The following GREB1L variants were observed in gnomAD, a reference collection of about 807,000 sequenced individuals.
GREB1L encodes GREB1-like protein.
GREB1L carries 17 observed loss-of-function variants against 200.8 expected under a neutral mutation model. The ratio of observed to expected loss-of-function variants is 0.08; its 90% CI spans 0.06 to 0.13. The LOEUF is 0.13. Among genes scored for constraint, GREB1L ranks in the 10% least tolerant of loss-of-function variants. The pLI is 1.00. For missense variants in GREB1L, 1,657 were observed against 2,367.7 expected (o/e 0.70, Z 6.23); for synonymous variants, 789 against 893.0 (o/e 0.88, Z 2.08).
At chr18:21,463,342 TC>T (rs2035136020) in intron 15 of GREB1L, among the ~76,000 whole-genome samples, 1 of 151,700 alleles carries the variant, frequency 6.6e-6, no homozygotes, top group African/African-American at 2.4e-5. Flanking sequence ...AGATGGGGTT[TC>T]ACCATGAGAG....
intron 1 of GREB1L, among the ~76,000 whole-genome samples, chr18:21,364,366 G>A (rs2039628062): frequency 6.6e-6 from 1 of 152,036 alleles, no homozygotes; most frequent in African/African-American, 2.4e-5. Flanking sequence ...TTTTGTTGGT[G>A]AAGGTCAAAA....
chr18:21,451,525 T>A (rs551630919), intron 13 of GREB1L, among the ~76,000 whole-genome samples: 6 of 130,154 alleles, frequency 4.6e-5, no homozygotes, highest in Admixed American at 8.8e-5. Context: ...TTGCACTCTA[T>A]CGCCCAGGCT....
At chr18:21,264,431 C>T (rs2037935657) in intron 1 of GREB1L, among the ~76,000 whole-genome samples, 1 of 152,118 alleles carries the variant, frequency 6.6e-6, no homozygotes, top group Non-Finnish European at 1.5e-5. Flanking sequence ...TGCTTATTTG[C>T]TTTAAATGCA....
At chr18:21,307,564 A>G (rs1239158358) in intron 1 of GREB1L, among the ~76,000 whole-genome samples, 1 of 152,156 alleles carries the variant, frequency 6.6e-6, no homozygotes. Context: ...GAAAATTTCT[A>G]AACATCACTG....
intron 1 of GREB1L, among the ~76,000 whole-genome samples, chr18:21,340,006 GT>G (rs1362537911): frequency 6.6e-6 from 1 of 152,124 alleles, no homozygotes; most frequent in African/African-American, 2.4e-5. Context: ...TGCTTCATTT[GT>G]TTGCTTCTAA....
chr18:21,511,140 C>T (rs560279937), intron 27 of GREB1L, among the ~76,000 whole-genome samples: 8 of 152,146 alleles, frequency 5.3e-5, no homozygotes, highest in Non-Finnish European at 7.4e-5. Flanking sequence ...TCTGGGAGGC[C>T]GAGGCGGGCA....
At chr18:21,457,162 CAGGTTT>C (rs1328368763) in intron 15 of GREB1L, among the ~76,000 whole-genome samples, 15 of 152,154 alleles carry the variant, frequency 9.9e-5, no homozygotes, top group Admixed American at 6.5e-4. Context: ...ATAAATTGTG[CAGGTTT>C]TTTCCTTTCT....
At chr18:21,340,406 C>T (rs779775991) in intron 1 of GREB1L, among the ~76,000 whole-genome samples, 8 of 151,044 alleles carry the variant, frequency 5.3e-5, no homozygotes, top group South Asian at 2.1e-4. Flanking sequence ...GGCAACAGAG[C>T]GAGACTCCGT....
chr18:21,513,786 T>C lies in GREB1L; in HGVS notation c.4736-35T>C, dbSNP rs929075475. The C allele has an allele frequency of 7.1e-6, 11 of 1,540,488 alleles. No homozygotes were observed. The African/African-American group carries it at 1.5e-4, about 21-fold the overall frequency. Reference sequence around the variant, plus strand: ...TTCAGCCAAGCCTGAGTGAAGGATGTGTGGATATGCAGATGTGGTTATGTT... The same window carrying C: ...TTCAGCCAAGCCTGAGTGAAGGATGCGTGGATATGCAGATGTGGTTATGTT... On this transcript the variant is annotated intron_variant, in intron 27 of 32. Coordinates refer to ENST00000424526, the MANE Select transcript of GREB1L (RefSeq NM_001142966.3).
At chr18:21,502,571 G>C (rs1398400354) in intron 23 of GREB1L, among the ~76,000 whole-genome samples, 5 of 152,150 alleles carry the variant, frequency 3.3e-5, no homozygotes, top group Non-Finnish European at 5.9e-5. Flanking sequence ...TATGGCTTCA[G>C]GCCTGTTTCC....
chr18:21,451,130 C>T lies in GREB1L; in HGVS notation c.1828C>T (p.His610Tyr), dbSNP rs1223866757. The T allele has an allele frequency of 1.3e-6, 2 of 1,551,664 alleles. No individual in the cohort carries two copies. The highest frequency in any genetic ancestry group is 1.7e-6 in the Non-Finnish European group (2 of 1,146,932). Reference protein sequence around the residue: ...ITGKVSFLASHFKTTSLGDDL... With the variant: ...ITGKVSFLASYFKTTSLGDDL... Reference sequence around the variant, plus strand: ...AGGAAAGGTCAGTTTCCTGGCATCACATTTCAAAACCACATCATTAGGTGA... The same window carrying T: ...AGGAAAGGTCAGTTTCCTGGCATCATATTTCAAAACCACATCATTAGGTGA... Residue 610 changes from histidine (H) to tyrosine (Y), a missense_variant, in exon 13 of 33, where the codon CAT becomes TAT. This residue lies in a region of GREB1L where 239 missense variants were observed against 421.8 expected (regional missense o/e 0.57). Coordinates refer to ENST00000424526, the MANE Select transcript of GREB1L (RefSeq NM_001142966.3).
chr18:21,258,035 T>C (rs1300514809), intron 1 of GREB1L, among the ~76,000 whole-genome samples: 2 of 152,194 alleles, frequency 1.3e-5, no homozygotes, highest in Admixed American at 1.3e-4. Flanking sequence ...AAAACTTTTG[T>C]TCCTGCCTCT....
At chr18:21,516,430 T>C (rs2037420343) in intron 29 of GREB1L, among the ~76,000 whole-genome samples, 183 bp from the exon 30 acceptor site, 1 of 152,148 alleles carries the variant, frequency 6.6e-6, no homozygotes, top group East Asian at 1.9e-4. Context: ...TTCCCCTTCC[T>C]TGAAAGGCTG....
intron 7 of GREB1L, among the ~76,000 whole-genome samples, chr18:21,417,576 G>A (rs925837674): frequency 2.6e-4 from 40 of 151,830 alleles, no homozygotes; most frequent in Non-Finnish European, 4.3e-4. Context: ...ACTTTAAGAC[G>A]TACAAAATAT....
chr18:21,370,781 T>C (rs1484490348), intron 2 of GREB1L, among the ~76,000 whole-genome samples: 2 of 152,320 alleles, frequency 1.3e-5, no homozygotes, highest in African/African-American at 4.8e-5. Flanking sequence ...CACATGTAGC[T>C]ATTTAAATTA....
At position 21,518,291 on chromosome 18, in the gene GREB1L, T is replaced by C. The variant is rs900626932; in HGVS notation, c.5472+57T>C. 39 of 1,478,076 alleles carry C rather than the reference T, an allele frequency of 2.6e-5. 1 individual carries two copies. The South Asian group carries it at 4.3e-4, about 16-fold the overall frequency. 91.6% of individuals were successfully genotyped at this position (1,478,076 alleles called of 1,614,324 possible). Reference sequence around the variant, plus strand: ...CTACATCCATCCATTTCTTTCTCATTTTAGCTGTTTACAAAAAAGGAGCCT... The same window carrying C: ...CTACATCCATCCATTTCTTTCTCATCTTAGCTGTTTACAAAAAAGGAGCCT... On this transcript the variant is annotated intron_variant, in intron 31 of 32. Coordinates refer to ENST00000424526, the MANE Select transcript of GREB1L (RefSeq NM_001142966.3).
chr18:21,348,243 CT>C (rs1317298280), intron 1 of GREB1L, among the ~76,000 whole-genome samples: 1 of 152,008 alleles, frequency 6.6e-6, no homozygotes, highest in East Asian at 1.9e-4. Context: ...CCGCGCCTGG[CT>C]TGCTTGACTC....
In GREB1L at chr18:21,444,340, T is replaced by C; in HGVS notation, c.1324T>C (p.Leu442=). ...LENKDLEKLG[L]TGSQFLSVEN... Reference sequence around the variant, plus strand: ...AAACAAAGATTTGGAAAAATTAGGGTTGACCGGCAGCCAATTTCTGAGCGT... The same window carrying C: ...AAACAAAGATTTGGAAAAATTAGGGCTGACCGGCAGCCAATTTCTGAGCGT... Residue 442 remains leucine, a synonymous_variant, in exon 11 of 33, where the codon TTG becomes CTG. Coordinates refer to ENST00000424526, the MANE Select transcript of GREB1L (RefSeq NM_001142966.3). 1 of 1,552,248 alleles carries C rather than the reference T, an allele frequency of 6.4e-7. No individual in the cohort carries two copies. The highest frequency in any genetic ancestry group is 8.7e-7 in the Non-Finnish European group (1 of 1,147,068).
intron 1 of GREB1L, among the ~76,000 whole-genome samples, chr18:21,312,794 C>T (rs1041905862): frequency 1.3e-5 from 2 of 152,062 alleles, no homozygotes; most frequent in Non-Finnish European, 2.9e-5. Context: ...GTTTGTGATC[C>T]GCCCACCTTG....
Sources: gnomAD v4.1 joint callset for allele counts (sites outside exome capture counted in the v4.1 genomes callset) on GRCh38, gnomAD v4.1.1 for gene constraint, gnomAD v4.1.1 regional missense constraint, MANE v1.5 for transcripts, NCBI Gene and HGNC (gene_info 2026-07-23, HGNC 2026-07-21) for gene names.